Variants in NARF observed in about 807,000 individuals in gnomAD.
NARF encodes iron-only hydrogenase-like protein 2.
In NARF, 41 loss-of-function variants were observed where a neutral mutation model predicts 48.0. That is an observed-to-expected ratio of 0.85 (90% CI 0.66 to 1.11). The LOEUF is 1.11. Among genes scored for constraint, NARF ranks in the 50% least tolerant of loss-of-function variants. NARF has a pLI of 0.00. For synonymous variants in NARF, 215 were observed against 225.5 expected, an observed-to-expected ratio of 0.95 and a Z score of 0.42; for missense variants, 613 against 590.2, an observed-to-expected ratio of 1.04 and a Z score of -0.40.
At chr17:82,481,017 G>C (rs2043951704) in intron 6 of NARF, 65 bp from the exon 7 acceptor site, 1 of 1,607,378 alleles carries the variant, frequency 6.2e-7, no homozygotes, top group Non-Finnish European at 8.5e-7. Flanking sequence ...TCTTGTTCTG[G>C]GCACCAAGCG....
In NARF at chr17:82,482,105, T is replaced by G. The variant is rs1469099065; in HGVS notation, c.769+894T>G. On this transcript the variant is annotated intron_variant, in intron 7 of 10. Coordinates refer to ENST00000309794, the MANE Select transcript of NARF (RefSeq NM_012336.4). ...AGTTGGTGGGGGAAGCTTAAGACTTTGTTAAAATTCTGGCGGAACTGTTTT... is the reference window on the plus strand; with the variant it reads ...AGTTGGTGGGGGAAGCTTAAGACTTGGTTAAAATTCTGGCGGAACTGTTTT... The G allele has an allele frequency of 1.4e-5, 4 of 295,888 alleles. No individual in the cohort carries two copies. The Admixed American group carries it at 2.0e-4, about 15-fold the overall frequency. The allele number at this position is 295,888 out of a possible 1,614,324, so 18.3% of individuals were successfully genotyped here. A position where few individuals can be genotyped will look rare whatever the true frequency, so the allele number is the denominator to read the frequency against.
chr17:82,469,881 G>A (rs1422863031), intron 4 of NARF, among the ~76,000 whole-genome samples: 1 of 151,338 alleles, frequency 6.6e-6, no homozygotes, highest in Non-Finnish European at 1.5e-5. Context: ...TGGGATTACA[G>A]GCATGTGCCA....
intron 7 of NARF, 136 bp downstream of exon 7, chr17:82,481,347 A>G: frequency 7.4e-7 from 1 of 1,346,646 alleles, no homozygotes; most frequent in Non-Finnish European, 1.0e-6. Flanking sequence ...AGTTACTGAC[A>G]GCTGAGGGTC....
At chr17:82,463,234 C>T (rs72859120) in intron 2 of NARF, 19,925 of 152,208 alleles carry the variant, frequency 0.13, 1,748 homozygotes, top group Admixed American at 0.27. Flanking sequence ...TGACATTACT[C>T]CTGTAAGCTT....
intron 5 of NARF, 81 bp from the exon 6 acceptor site, chr17:82,478,719 C>A: frequency 1.4e-6 from 2 of 1,387,456 alleles, no homozygotes; most frequent in Non-Finnish European, 2.0e-6. Context: ...GGCAGGGACT[C>A]GAGCTCAGCA....
chr17:82,487,787 C>CCCAAA, intron 10 of NARF, 129 bp from the exon 11 acceptor site: 1 of 747,602 alleles, frequency 1.3e-6, no homozygotes, highest in Non-Finnish European at 2.1e-6. Flanking sequence ...CCCCTCCCGC[C>CCCAAA]CAATCTCTAC....
chr17:82,464,562 A>G (rs2043516502), intron 3 of NARF, 132 bp downstream of exon 3: 3 of 1,181,456 alleles, frequency 2.5e-6, no homozygotes, highest in Non-Finnish European at 3.5e-6. Flanking sequence ...GGTGTTGCTA[A>G]CATCCTGCTT....
At position 82,466,290 on chromosome 17, in the gene NARF, C is replaced by G. The variant is rs577151125; in HGVS notation, c.252+1860C>G. On this transcript the variant is annotated intron_variant, in intron 3 of 10. Transcript: ENST00000309794. ...TCAATATCAAATTCAGTTTTTTCCC[C>G]CCTGATACATAGAGAATTGTATCTC... 5.3e-5 allele frequency among the ~76,000 whole-genome samples: 8 copies of G among 152,192 alleles called. No homozygotes were observed. The East Asian group carries it at 5.8e-4, about 11-fold the overall frequency.
intron 2 of NARF, chr17:82,463,486 A>C (rs1424997081): frequency 6.6e-6 from 1 of 152,238 alleles, no homozygotes; most frequent in Non-Finnish European, 1.5e-5. Flanking sequence ...TCTCTGCTGA[A>C]GGCCACCCAG....
chr17:82,485,620 A>G lies in NARF; in HGVS notation c.1095A>G (p.Pro365=), dbSNP rs980401174. The stretch of plus-strand genomic sequence containing the variant: ...TGAAGCTTAAGAAGGGCAAGTTCCC[A>G]TTCCACTTTGTGGAGGTCCTCGCCT... ...MILKLKKGKF[P]FHFVEVLACA... The change falls in exon 10 of 11, where the codon CCA becomes CCG. Residue 365 remains proline, a synonymous_variant. Transcript: ENST00000309794. 6.2e-7 allele frequency: 1 copy of G among 1,614,208 alleles called. No individual in the cohort carries two copies. Among genetic ancestry groups the G allele is most frequent in the Non-Finnish European group, 8.5e-7 (1 of 1,180,046 alleles).
intron 5 of NARF, among the ~76,000 whole-genome samples, chr17:82,474,421 TAG>T (rs143851816): frequency 0.015 from 2,249 of 152,116 alleles, 63 homozygotes; most frequent in African/African-American, 0.052. Context: ...TCTGGAAAAA[TAG>T]AGAGTTTGGG....
In NARF at chr17:82,478,898, G is replaced by C; in HGVS notation, c.619G>C (p.Asp207His). ...PQQVMGSLVK[D>H]YFARQQNLSP... ...GCAGGTCATGGGCTCTTTGGTGAAGGATTATTTCGCCAGACAGCAGGTAAG... is the reference window on the plus strand; with the variant it reads ...GCAGGTCATGGGCTCTTTGGTGAAGCATTATTTCGCCAGACAGCAGGTAAG... Residue 207 changes from aspartate to histidine, a missense_variant, in exon 6 of 11, where the codon GAT (aspartate) becomes CAT (histidine). Asp to His is a moderately conservative substitution (Grantham distance 81). Transcript: ENST00000309794. 1.2e-6 allele frequency: 2 copies of C among 1,613,922 alleles called. No individual in the cohort carries two copies. Among genetic ancestry groups the C allele is most frequent in the Non-Finnish European group, 1.7e-6 (2 of 1,179,952 alleles).
rs535491230 is a variant in NARF, at chr17:82,472,645, G to A, written c.467G>A (p.Arg156His). ...ESQKEFVRRY[R>H]QHSEEERTLP... ...CAAAAAGAATTCGTGCGTCGCTATC[G>A]CCAGCACAGTGAGGAGGAACGCACC... The change falls in exon 5 of 11, where the codon CGC becomes CAC. Residue 156 changes from arginine to histidine, a missense_variant. Transcript: ENST00000309794. 3.8e-5 allele frequency: 62 copies of A among 1,613,920 alleles called. No homozygotes were observed. In the East Asian group the frequency reaches 6.9e-4, roughly 18 times the overall value.
At chr17:82,479,539 A>G (rs74549382) in intron 6 of NARF, among the ~76,000 whole-genome samples, 1,613 of 152,156 alleles carry the variant, frequency 0.011, 11 homozygotes, top group Non-Finnish European at 0.015. Flanking sequence ...GAACTCCCTG[A>G]TGTCTCCAAG....
At chr17:82,472,522 T>G in intron 4 of NARF, 42 bp from the exon 5 acceptor site, 1 of 1,546,544 alleles carries the variant, frequency 6.5e-7, no homozygotes, top group Non-Finnish European at 8.7e-7. Context: ...AGTAGATCTT[T>G]TAGTACGTGA....
In NARF at chr17:82,459,749, A is replaced by G. The variant is rs533946277; in HGVS notation, c.28-243A>G. 1.1e-4 allele frequency among the ~76,000 whole-genome samples: 16 copies of G among 152,162 alleles called. No individual in the cohort carries two copies. In the South Asian group the frequency reaches 3.1e-3, roughly 30 times the overall value. On this transcript the variant is annotated intron_variant, in intron 1 of 10. Coordinates refer to ENST00000309794, the MANE Select transcript of NARF (RefSeq NM_012336.4). ...CTGGGTGTGGTGGCGCACACCTGTA[A>G]TCCCAGCTACTCAGAAGGCCGAGGC... is the stretch of plus-strand genomic sequence containing the variant.
rs2043349664 is a variant in NARF at position 82,458,767 on chromosome 17, G to A, written c.-37G>A. On this transcript the variant is annotated 5_prime_UTR_variant, in exon 1 of 11. Coordinates refer to ENST00000309794, the MANE Select transcript of NARF (RefSeq NM_012336.4). Reference sequence around the variant, plus strand: ...TCCCAGTCTCCCGGTGCTTCCCTGAGGCTGAGGCGCCCGGCCTCCCGCCCG... The same window carrying A: ...TCCCAGTCTCCCGGTGCTTCCCTGAAGCTGAGGCGCCCGGCCTCCCGCCCG... The A allele has an allele frequency of 7.5e-6, 11 of 1,473,442 alleles. No individual in the cohort carries two copies. The highest frequency in any genetic ancestry group is 9.8e-6 in the Non-Finnish European group (11 of 1,118,268). The allele number at this position is 1,473,442 out of a possible 1,614,324, so 91.3% of individuals were successfully genotyped here.
intron 10 of NARF, among the ~76,000 whole-genome samples, chr17:82,486,846 A>G (rs1048727964): frequency 6.6e-6 from 1 of 152,212 alleles, no homozygotes; most frequent in African/African-American, 2.4e-5. Flanking sequence ...GAACTCTTAC[A>G]CTACTAAGAG....
intron 10 of NARF, 86 bp from the exon 11 acceptor site, chr17:82,487,830 G>A (rs1440440332): frequency 1.4e-6 from 2 of 1,471,756 alleles, no homozygotes; most frequent in South Asian, 1.2e-5. Context: ...GCAAGGTGGT[G>A]TGTGTCTGTA....
Sources: allele counts gnomAD v4.1 joint callset (sites outside exome capture counted in the v4.1 genomes callset), GRCh38; gene constraint gnomAD v4.1.1; transcripts MANE v1.5; gene names NCBI Gene and HGNC (gene_info 2026-07-23, HGNC 2026-07-21).